The following FRMD4A variants were observed in gnomAD, a reference collection of about 807,000 sequenced individuals.
FRMD4A encodes FERM domain-containing protein 4A.
FRMD4A carries 29 observed loss-of-function variants against 129.1 expected under a neutral mutation model. That is an observed-to-expected ratio of 0.22 (90% CI 0.17 to 0.31). The LOEUF is 0.31. Among genes scored for constraint, FRMD4A ranks in the 10% least tolerant of loss-of-function variants. The pLI is 1.00. For missense variants in FRMD4A, 1,272 were observed against 1,375.8 expected (o/e 0.92, Z 1.19); for synonymous variants, 634 against 571.6 (o/e 1.11, Z -1.56).
At chr10:14,276,705 G>T (rs745689910) in intron 2 of FRMD4A, among the ~76,000 whole-genome samples, 2 of 152,140 alleles carry the variant, frequency 1.3e-5, no homozygotes, top group Non-Finnish European at 2.9e-5. Context: ...TCCAGAGCCA[G>T]CCAGGGCCTC....
chr10:14,034,020 T>C (rs1382870086), intron 2 of FRMD4A, among the ~76,000 whole-genome samples: 2 of 152,196 alleles, frequency 1.3e-5, no homozygotes, highest in Non-Finnish European at 2.9e-5. Flanking sequence ...AAATATCGCA[T>C]GTTCTCACTT....
At chr10:14,303,912 T>C (rs959215069) in intron 2 of FRMD4A, among the ~76,000 whole-genome samples, 2 of 152,214 alleles carry the variant, frequency 1.3e-5, no homozygotes, top group Admixed American at 1.3e-4. Context: ...CTGGCTTATT[T>C]CCCTAAGCAT....
At chr10:14,082,720 G>A (rs1267627060) in intron 2 of FRMD4A, among the ~76,000 whole-genome samples, 5 of 152,134 alleles carry the variant, frequency 3.3e-5, no homozygotes, top group African/African-American at 7.2e-5. Context: ...AGCCCATAAC[G>A]CGGAGTCTGC....
intron 12 of FRMD4A, among the ~76,000 whole-genome samples, chr10:13,725,547 T>C (rs2089829647): frequency 6.6e-6 from 1 of 152,196 alleles, no homozygotes; most frequent in African/African-American, 2.4e-5. Flanking sequence ...CTTTTTTTTT[T>C]TCTGTTCATA....
At chr10:13,844,019 T>C (rs962039461) in intron 3 of FRMD4A, among the ~76,000 whole-genome samples, 1 of 152,228 alleles carries the variant, frequency 6.6e-6, no homozygotes, top group African/African-American at 2.4e-5. Context: ...GAGAATACTG[T>C]AGTTGTACTA....
Position 13,654,645 on chromosome 10 carries a change from C to T in FRMD4A, c.2954-133G>A, listed in dbSNP as rs1040733589. On this transcript the variant is annotated intron_variant, in intron 22 of 24. Transcript: ENST00000357447. ...TTTCCAGGGATGCTGGGAAGGACCC[C>T]AGAGCAGGGTCTCAGCATCCCTATG... The T allele has an allele frequency of 3.0e-5, 19 of 630,832 alleles. No homozygotes were observed. In the South Asian group the frequency reaches 3.2e-4, roughly 11 times the overall value. The allele number at this position is 630,832 out of a possible 1,614,324, so 39.1% of individuals were successfully genotyped here.
intron 2 of FRMD4A, among the ~76,000 whole-genome samples, chr10:14,111,460 G>T (rs1464082045): frequency 1.3e-5 from 2 of 152,140 alleles, no homozygotes; most frequent in Non-Finnish European, 1.5e-5. Context: ...AAAATGCCCA[G>T]ATGTTTAGCT....
In FRMD4A at chr10:13,656,645, C is replaced by A. The variant is rs2082174310; in HGVS notation, c.2944G>T (p.Ala982Ser). ...GGCCGCCCCCTCTCACCTGACGTGG[C>A]CTTGCACATCTGGGGCATCCTGGTG... ...RVTRMPQMCK[A>S]TSAALPQSQR... The change falls in exon 22 of 25, where the codon GCC (alanine) becomes TCC (serine). Residue 982 changes from alanine (A) to serine (S), a missense_variant. Transcript: ENST00000357447. 2 of 1,453,954 alleles carry A rather than the reference C, an allele frequency of 1.4e-6. No individual in the cohort carries two copies. Among genetic ancestry groups the A allele is most frequent in the South Asian group, 1.5e-5 (1 of 68,064 alleles). 90.1% of individuals were successfully genotyped at this position (1,453,954 alleles called of 1,614,324 possible). A position where few individuals can be genotyped will look rare whatever the true frequency, so the allele number is the denominator to read the frequency against.
At position 14,243,381 on chromosome 10, in the gene FRMD4A, C is replaced by T. The variant is rs560080957; in HGVS notation, c.45+86677G>A. 2.3e-4 allele frequency among the ~76,000 whole-genome samples: 35 copies of T among 152,274 alleles called. No homozygotes were observed. The South Asian group carries it at 6.0e-3, about 26-fold the overall frequency. ...AGTTCCTCCTTCAAATGCTCTTTCTCGCCTGCCACCATGTAAGATGTGCCT... is the reference window on the plus strand; with the variant it reads ...AGTTCCTCCTTCAAATGCTCTTTCTTGCCTGCCACCATGTAAGATGTGCCT... On this transcript the variant is annotated intron_variant, in intron 2 of 24. Transcript: ENST00000357447.
chr10:13,843,155 A>T (rs2093993372), intron 3 of FRMD4A, among the ~76,000 whole-genome samples: 1 of 152,194 alleles, frequency 6.6e-6, no homozygotes, highest in Non-Finnish European at 1.5e-5. Context: ...AGTACCAAGT[A>T]TGCAGGCTCC....
chr10:13,696,361 C>T (rs17173502), intron 14 of FRMD4A, among the ~76,000 whole-genome samples: 5,644 of 152,142 alleles, frequency 0.037, 359 homozygotes, highest in African/African-American at 0.13. Flanking sequence ...AAAAAGTAGC[C>T]CACTCCCAAA....
rs375022907 is a variant in FRMD4A at position 13,656,937 on chromosome 10, G to A, written c.2652C>T (p.Arg884=). The A allele has an allele frequency of 2.6e-6, 4 of 1,510,480 alleles. No homozygotes were observed. Among genetic ancestry groups the A allele is most frequent in the Admixed American group, 4.1e-5 (2 of 49,206 alleles). 93.6% of individuals were successfully genotyped at this position (1,510,480 alleles called of 1,614,324 possible). Residue 884 remains arginine (R), a synonymous_variant, in exon 22 of 25, where the codon CGC becomes CGT. Transcript: ENST00000357447. ...TAGGLFKESW[R]GGGGDEGDTG... is the part of the protein sequence containing the mutation. ...TGTCGCCCTCGTCGCCGCCGCCGCC[G>A]CGCCAGCTCTCCTTGAACAGGCCGC...
intron 2 of FRMD4A, among the ~76,000 whole-genome samples, chr10:14,172,144 C>A (rs562839829): frequency 5.9e-4 from 89 of 152,088 alleles, no homozygotes; most frequent in Non-Finnish European, 9.8e-4. Flanking sequence ...TGGAAATATC[C>A]ATTTCCAGCA....
chr10:13,964,052 A>G (rs1189987339), intron 2 of FRMD4A, among the ~76,000 whole-genome samples: 1 of 151,538 alleles, frequency 6.6e-6, no homozygotes, highest in Non-Finnish European at 1.5e-5. Flanking sequence ...GTGCCCTGTG[A>G]CCCTCAACAC....
chr10:14,057,037 C>G (rs1383200137), intron 2 of FRMD4A, among the ~76,000 whole-genome samples: 1 of 152,158 alleles, frequency 6.6e-6, no homozygotes, highest in Non-Finnish European at 1.5e-5. Flanking sequence ...TGTTCTGTAT[C>G]TCTTCTGGCT....
At chr10:14,324,503 A>C (rs1286210827) in intron 2 of FRMD4A, among the ~76,000 whole-genome samples, 1 of 152,182 alleles carries the variant, frequency 6.6e-6, no homozygotes, top group African/African-American at 2.4e-5. Flanking sequence ...CCATGCCTGG[A>C]TGGCCCCATT....
chr10:13,922,765 T>A (rs926092849), intron 2 of FRMD4A, among the ~76,000 whole-genome samples: 1 of 151,964 alleles, frequency 6.6e-6, no homozygotes, highest in African/African-American at 2.4e-5. Context: ...CTTTGTAAAT[T>A]TTTTTTTCTC....
intron 3 of FRMD4A, among the ~76,000 whole-genome samples, chr10:13,818,270 C>T (rs1397084488): frequency 6.6e-6 from 1 of 152,044 alleles, no homozygotes; most frequent in Non-Finnish European, 1.5e-5. Flanking sequence ...ATCAGTGATC[C>T]TCCAGCTTCA....
intron 2 of FRMD4A, among the ~76,000 whole-genome samples, chr10:14,129,313 G>C (rs114101556): frequency 7.2e-6 from 1 of 139,444 alleles, no homozygotes; most frequent in African/African-American, 2.7e-5. Context: ...CAAAAAAATC[G>C]CTCTGAGAGC....
Sources: allele counts gnomAD v4.1 joint callset (sites outside exome capture counted in the v4.1 genomes callset), GRCh38; gene constraint gnomAD v4.1.1; transcripts MANE v1.5; gene names NCBI Gene and HGNC (gene_info 2026-07-23, HGNC 2026-07-21).